KLF12: variants seen among roughly 807,000 people sequenced by gnomAD.
The protein encoded by KLF12 is Krueppel-like factor 12.
In KLF12, 9 loss-of-function variants were observed where a neutral mutation model predicts 37.8. The ratio of observed to expected loss-of-function variants is 0.24; its 90% CI spans 0.14 to 0.42. The LOEUF (loss-of-function observed/expected upper bound fraction) is 0.42. KLF12 is among the 10% of genes least tolerant of loss of function. The pLI, the probability that KLF12 is intolerant of heterozygous loss-of-function variation, is 1.00. For synonymous variants in KLF12, 208 were observed against 202.1 expected, an observed-to-expected ratio of 1.03 and a Z score of -0.25; for missense variants, 411 against 516.0, an observed-to-expected ratio of 0.80 and a Z score of 1.97.
intron 1 of KLF12, among the ~76,000 whole-genome samples, chr13:74,071,757 C>T (rs1874265125): frequency 6.6e-6 from 1 of 152,074 alleles, no homozygotes; most frequent in African/African-American, 2.4e-5. Flanking sequence ...CAAGTAGTAG[C>T]TTAAAGAAAT....
chr13:74,292,378 A>G, the KLF12 span, among the ~76,000 whole-genome samples: 1 of 152,206 alleles, frequency 6.6e-6, no homozygotes, highest in Non-Finnish European at 1.5e-5. Context: ...GAAGATTGTG[A>G]GAATGAGACT....
chr13:74,171,396 A>T, the KLF12 span, among the ~76,000 whole-genome samples: 2 of 152,146 alleles, frequency 1.3e-5, no homozygotes, highest in East Asian at 1.9e-4. Context: ...GGGCATGTTT[A>T]AAAAAGTAGG....
chr13:74,289,648 A>C, the KLF12 span, among the ~76,000 whole-genome samples: 3 of 152,230 alleles, frequency 2.0e-5, no homozygotes, highest in African/African-American at 7.2e-5. Flanking sequence ...AAATGTAAAT[A>C]AATTCCCCAA....
At chr13:74,103,943 T>C (rs145656255) in intron 1 of KLF12, among the ~76,000 whole-genome samples, 3 of 152,334 alleles carry the variant, frequency 2.0e-5, no homozygotes, top group African/African-American at 7.2e-5. Flanking sequence ...AAGCCTGATA[T>C]TGTAATAGAT....
the KLF12 span, among the ~76,000 whole-genome samples, chr13:74,238,841 A>G: frequency 6.6e-6 from 1 of 150,434 alleles, no homozygotes; most frequent in Non-Finnish European, 1.5e-5. Context: ...TTTTTTCTTT[A>G]TTAGTCTTGC....
At chr13:74,222,349 G>A in the KLF12 span, among the ~76,000 whole-genome samples, 1 of 152,192 alleles carries the variant, frequency 6.6e-6, no homozygotes, top group African/African-American at 2.4e-5. Context: ...ATTTTCAGAT[G>A]TTTTGGTAAG....
At chr13:73,866,201 G>C (rs1005702742) in intron 3 of KLF12, among the ~76,000 whole-genome samples, 1 of 152,178 alleles carries the variant, frequency 6.6e-6, no homozygotes, top group African/African-American at 2.4e-5. Context: ...GTTGCAGTGA[G>C]CTGAGATCAC....
chr13:74,107,497 A>C (rs936110126), intron 1 of KLF12, among the ~76,000 whole-genome samples: 5 of 152,242 alleles, frequency 3.3e-5, no homozygotes, highest in Admixed American at 3.3e-4. Flanking sequence ...TTCTTAGATC[A>C]TTGTATGTTG....
intron 1 of KLF12, among the ~76,000 whole-genome samples, chr13:74,100,736 T>C (rs997311990): frequency 3.3e-5 from 5 of 152,156 alleles, no homozygotes; most frequent in Non-Finnish European, 5.9e-5. Flanking sequence ...TAAAAATGTA[T>C]GTGTACATGC....
intron 1 of KLF12, among the ~76,000 whole-genome samples, chr13:74,027,586 CA>C (rs1893009239): frequency 6.6e-6 from 1 of 152,156 alleles, no homozygotes; most frequent in Admixed American, 6.5e-5. Context: ...AGGTTCCACT[CA>C]GGCTATTTAT....
chr13:74,273,870 T>C, the KLF12 span, among the ~76,000 whole-genome samples: 1 of 152,060 alleles, frequency 6.6e-6, no homozygotes, highest in Non-Finnish European at 1.5e-5. Flanking sequence ...CTATTTCATT[T>C]GGGTAATAAA....
At chr13:73,768,005 C>T (rs992640834) in intron 5 of KLF12, among the ~76,000 whole-genome samples, 2 of 152,168 alleles carry the variant, frequency 1.3e-5, no homozygotes, top group African/African-American at 4.8e-5. Flanking sequence ...TCCCACTTTA[C>T]TATCTGCACC....
At chr13:73,901,351 A>C (rs1026283220) in intron 3 of KLF12, among the ~76,000 whole-genome samples, 2 of 152,198 alleles carry the variant, frequency 1.3e-5, no homozygotes, top group Admixed American at 6.5e-5. Flanking sequence ...GCAGTCTCTA[A>C]TAAACAGCAT....
At chr13:74,131,907 T>C (rs1453186933) in intron 1 of KLF12, among the ~76,000 whole-genome samples, 1 of 152,186 alleles carries the variant, frequency 6.6e-6, no homozygotes, top group Non-Finnish European at 1.5e-5. Context: ...GCTTAATATA[T>C]TCAATCTAGT....
At chr13:73,908,414 C>A (rs1359185880) in intron 3 of KLF12, among the ~76,000 whole-genome samples, 33 of 97,544 alleles carry the variant, frequency 3.4e-4, no homozygotes, top group Middle Eastern at 5.4e-3. Flanking sequence ...AAAAAAAAAA[C>A]AAACAAACAA....
In KLF12 at chr13:74,075,322, G is replaced by A. The variant is rs183817574; in HGVS notation, c.-32+58417C>T. Among the ~76,000 whole-genome samples the A allele has an allele frequency of 2.8e-3, 426 of 152,212 alleles. 4 individuals carry two copies. In the South Asian group the frequency reaches 0.029, roughly 10 times the overall value. On this transcript the variant is annotated intron_variant, in intron 1 of 7. Coordinates refer to ENST00000377669, the MANE Select transcript of KLF12 (RefSeq NM_007249.5). ...GATCAGACAGATAAAAGGTAAGCTAGGTTAAAAAAATAATAATAAGCTGCA... is the reference window on the plus strand; with the variant it reads ...GATCAGACAGATAAAAGGTAAGCTAAGTTAAAAAAATAATAATAAGCTGCA...
chr13:73,869,970 T>C (rs1886386692), intron 3 of KLF12, among the ~76,000 whole-genome samples: 1 of 152,210 alleles, frequency 6.6e-6, no homozygotes, highest in South Asian at 2.1e-4. Context: ...CATGTCTAGC[T>C]TGTTTATACG....
chr13:73,834,593 C>A (rs887069562), intron 4 of KLF12, among the ~76,000 whole-genome samples: 3 of 152,028 alleles, frequency 2.0e-5, no homozygotes, highest in Non-Finnish European at 2.9e-5. Flanking sequence ...TCACTGCAAC[C>A]TTTGCCTTTC....
chr13:74,279,241 A>G, the KLF12 span, among the ~76,000 whole-genome samples: 1 of 152,224 alleles, frequency 6.6e-6, no homozygotes, highest in African/African-American at 2.4e-5. Flanking sequence ...TGTGCACTTT[A>G]ATTTAGTTGA....
Sources: gnomAD v4.1 joint callset for allele counts (sites outside exome capture counted in the v4.1 genomes callset) on GRCh38, gnomAD v4.1.1 for gene constraint, MANE v1.5 for transcripts, NCBI Gene and HGNC (gene_info 2026-07-23, HGNC 2026-07-21) for gene names.